Variants in SYBU observed in about 807,000 individuals in gnomAD.
The protein encoded by SYBU is syntabulin, also known as GOLSYN A protein.
A neutral mutation model predicts 35.9 loss-of-function variants in SYBU; 21 were observed. The ratio of observed to expected loss-of-function variants is 0.58; its 90% confidence interval spans 0.41 to 0.84. The LOEUF is 0.84. Ranked by LOEUF, SYBU falls within the 40% of genes least tolerant of loss-of-function variation. The pLI is 0.00. For missense variants in SYBU, 768 were observed against 848.2 expected (o/e 0.91, Z 1.17); for synonymous variants, 319 against 324.3 (o/e 0.98, Z 0.18).
upstream of SYBU, among the ~76,000 whole-genome samples, chr8:109,684,457 A>G (rs1316044289): frequency 1.3e-5 from 2 of 152,246 alleles, no homozygotes; most frequent in Non-Finnish European, 2.9e-5. Context: ...CATAAGAAAT[A>G]TCAGACTGGG....
chr8:109,661,338 T>TA (rs1816553559), intron 1 of SYBU, among the ~76,000 whole-genome samples: 1 of 152,126 alleles, frequency 6.6e-6, no homozygotes, highest in African/African-American at 2.4e-5. Flanking sequence ...ACTTTGTAAA[T>TA]AAAAAAATTA....
chr8:109,597,472 C>G (rs934325834), intron 3 of SYBU, among the ~76,000 whole-genome samples: 3 of 151,970 alleles, frequency 2.0e-5, no homozygotes, highest in Admixed American at 6.6e-5. Context: ...AATCCCAGCA[C>G]TTTGGGAGGC....
At chr8:109,658,561 A>G (rs1030782243) in intron 1 of SYBU, among the ~76,000 whole-genome samples, 1 of 152,230 alleles carries the variant, frequency 6.6e-6, no homozygotes, top group Non-Finnish European at 1.5e-5. Context: ...AGTAGGTCAG[A>G]AGCTTCTCTC....
intron 2 of SYBU, among the ~76,000 whole-genome samples, chr8:109,636,954 G>T (rs1222885112): frequency 6.6e-6 from 1 of 152,108 alleles, no homozygotes; most frequent in Non-Finnish European, 1.5e-5. Context: ...CTTGCCCCAT[G>T]GTCACTGGTT....
At chr8:109,689,112 T>G (rs186190696) in intron 1 of SYBU, among the ~76,000 whole-genome samples, 95 of 152,302 alleles carry the variant, frequency 6.2e-4, no homozygotes, top group South Asian at 2.1e-3. Flanking sequence ...TGGAATTTGA[T>G]GTACTTACAA....
rs764272355 is a variant in SYBU, at chr8:109,575,393, A to G, written c.1505T>C (p.Leu502Pro). The G allele has an allele frequency of 2.5e-6, 4 of 1,613,930 alleles. No individual in the cohort carries two copies. The East Asian group carries it at 8.9e-5, about 36-fold the overall frequency. ...GAGCTTCTGCAGCACACTCTGAATG[A>G]GCTCTGAGATGGCTGGGCTGTAGGG... ...VVPYSPAISELIQSVLQKLQD... is the reference protein window; with the variant it reads ...VVPYSPAISEPIQSVLQKLQD... The change falls in exon 7 of 7, where the codon CTC becomes CCC. Residue 502 changes from leucine (L) to proline (P), a missense_variant. Transcript: ENST00000276646.
rs1234961514 is a variant in SYBU, at chr8:109,644,751, G to A, written c.-92C>T. ...CGGAGCGAGGAGACTGCGCTGAGCC[G>A]GCGCGGGCTGCGGGCGGCGGCTCTT... On this transcript the variant is annotated 5_prime_UTR_variant, in exon 1 of 7. Transcript: ENST00000276646. 2 of 1,243,060 alleles carry A rather than the reference G, an allele frequency of 1.6e-6. No individual in the cohort carries two copies. The highest frequency in any genetic ancestry group is 1.0e-6 in the Non-Finnish European group (1 of 967,550). The allele number at this position is 1,243,060 out of a possible 1,614,324, so 77.0% of individuals were successfully genotyped here. A position where few individuals can be genotyped will look rare whatever the true frequency, so the allele number is the denominator to read the frequency against.
In SYBU at chr8:109,622,035, G is replaced by A. The variant is rs550288799; in HGVS notation, c.230-2996C>T. ...TCCTCCTTTCTTCCTCTTCATGGCC[G>A]GTTGGAAGCTGACCACCAGTTCAAA... On this transcript the variant is annotated intron_variant, in intron 2 of 6. Coordinates refer to ENST00000276646, the MANE Select transcript of SYBU (RefSeq NM_001099754.2). 7.9e-5 allele frequency among the ~76,000 whole-genome samples: 12 copies of A among 152,062 alleles called. No individual in the cohort carries two copies. The East Asian group carries it at 1.5e-3, about 20-fold the overall frequency.
rs748101787 is a variant in SYBU, at chr8:109,575,672, G to A, written c.1226C>T (p.Thr409Ile). 5.2e-5 allele frequency: 84 copies of A among 1,613,984 alleles called. No individual in the cohort carries two copies. The highest frequency in any genetic ancestry group is 7.1e-5 in the Non-Finnish European group (84 of 1,180,026). Residue 409 changes from threonine to isoleucine, a missense_variant, in exon 7 of 7, where the codon ACA (threonine) becomes ATA (isoleucine). Coordinates refer to ENST00000276646, the MANE Select transcript of SYBU (RefSeq NM_001099754.2). ...TTCCAGAGATAACCCATCTGCCATT[G>A]TGTCAAGAGGGGGGTTGAGGGTTAA... ...KSLTLNPPLDTMADGLSLEEQ... is the reference protein window; with the variant it reads ...KSLTLNPPLDIMADGLSLEEQ...
chr8:109,616,301 C>T (rs1417629035), intron 3 of SYBU, among the ~76,000 whole-genome samples: 11 of 152,020 alleles, frequency 7.2e-5, no homozygotes, highest in South Asian at 2.1e-4. Context: ...TGAGCCACCA[C>T]GCCCGGCCTA....
chr8:109,597,735 A>G (rs140122183), intron 3 of SYBU, among the ~76,000 whole-genome samples: 235 of 152,284 alleles, frequency 1.5e-3, no homozygotes, highest in African/African-American at 4.7e-3. Context: ...TTTTGAGTCT[A>G]TATGAGGAAG....
chr8:109,681,243 T>C (rs543891870), upstream of SYBU, among the ~76,000 whole-genome samples: 1 of 152,290 alleles, frequency 6.6e-6, no homozygotes, highest in African/African-American at 2.4e-5. Context: ...GTGCAAAATT[T>C]TCATTAATGT....
At chr8:109,587,534 A>G (rs1482064210) in intron 3 of SYBU, among the ~76,000 whole-genome samples, 2 of 152,186 alleles carry the variant, frequency 1.3e-5, no homozygotes, top group East Asian at 3.9e-4. Context: ...TAAAGAAACT[A>G]TACATTACCA....
At chr8:109,596,417 C>T (rs929837313) in intron 3 of SYBU, among the ~76,000 whole-genome samples, 4 of 152,172 alleles carry the variant, frequency 2.6e-5, no homozygotes, top group Admixed American at 1.3e-4. Context: ...CAATCCATCA[C>T]AAAAACTAGA....
At chr8:109,601,591 C>G (rs1586794884) in intron 3 of SYBU, among the ~76,000 whole-genome samples, 1 of 152,094 alleles carries the variant, frequency 6.6e-6, no homozygotes, top group Non-Finnish European at 1.5e-5. Context: ...ATCTTCTTAG[C>G]TAGGGTGAAG....
At chr8:109,683,267 G>A (rs60071500), upstream of SYBU, among the ~76,000 whole-genome samples, 1,172 of 152,346 alleles carry the variant, frequency 7.7e-3, 16 homozygotes, top group African/African-American at 0.027. Context: ...GAGTTGGGCT[G>A]TCTCATGCAA....
In SYBU at chr8:109,607,410, A is replaced by C. The variant is rs536299877; in HGVS notation, c.427+11432T>G. Among the ~76,000 whole-genome samples, 37 of 152,280 alleles carry C rather than the reference A, an allele frequency of 2.4e-4. No homozygotes were observed. In the South Asian group the frequency reaches 3.1e-3, roughly 13 times the overall value. ...CATGGGTATTCCCTTTCCTAATCAC[A>C]CGAACAGGCTCTCTCTTGATAATAA... On this transcript the variant is annotated intron_variant, in intron 3 of 6. Transcript: ENST00000276646.
At chr8:109,620,229 A>T (rs1228558538) in intron 2 of SYBU, among the ~76,000 whole-genome samples, 1 of 152,238 alleles carries the variant, frequency 6.6e-6, no homozygotes, top group Non-Finnish European at 1.5e-5. Context: ...TTACTAAATA[A>T]TCTTTATTAT....
chr8:109,579,014 C>A (rs1438076621), intron 5 of SYBU, among the ~76,000 whole-genome samples: 1 of 152,114 alleles, frequency 6.6e-6, no homozygotes, highest in Non-Finnish European at 1.5e-5. Flanking sequence ...TCAGGCCTGG[C>A]TGGGAGCTGG....
Sources: allele counts gnomAD v4.1 joint callset (sites outside exome capture counted in the v4.1 genomes callset), GRCh38; gene constraint gnomAD v4.1.1; transcripts MANE v1.5; gene names NCBI Gene and HGNC (gene_info 2026-07-23, HGNC 2026-07-21).